Variants in CCDC186 observed in about 807,000 individuals in gnomAD.
The protein encoded by CCDC186 is coiled-coil domain-containing protein 186.
CCDC186 carries 49 observed loss-of-function variants against 113.7 expected under a neutral mutation model. The observed-to-expected ratio is 0.43, with a 90% CI of 0.34 to 0.55. The LOEUF (loss-of-function observed/expected upper bound fraction) is 0.55, where lower values mean the gene tolerates loss of function less well. CCDC186 is among the 20% of genes least tolerant of loss of function. CCDC186 has a pLI of 0.02. For synonymous variants in CCDC186, 355 were observed against 345.8 expected (o/e 1.03, Z -0.30); for missense variants, 890 against 1,011.1 (o/e 0.88, Z 1.62).
intron 12 of CCDC186, 39 bp downstream of exon 12, chr10:114,131,104 GAAAC>G: frequency 7.4e-7 from 1 of 1,349,998 alleles, no homozygotes; most frequent in South Asian, 2.0e-5. Flanking sequence ...ATGATTAAAA[GAAAC>G]AAACACATTC....
intron 15 of CCDC186, 143 bp from the exon 16 acceptor site, chr10:114,125,369 C>T (rs2030863552): frequency 1.7e-6 from 1 of 578,728 alleles, no homozygotes; most frequent in African/African-American, 1.9e-5. Flanking sequence ...AAACTAGTGA[C>T]ACACAGCTGT....
chr10:114,121,600 TA>T lies in CCDC186; in HGVS notation c.*3542del, dbSNP rs1189167543. On this transcript the variant is annotated 3_prime_UTR_variant, in exon 16 of 16. Coordinates refer to ENST00000369287, the MANE Select transcript of CCDC186 (RefSeq NM_018017.4). Reference sequence around the variant, plus strand: ...TTAAATAATGAAAATCAAACTATGATAAAAGTTAGGAAACGTGCAGAACCAC... The same window carrying T: ...TTAAATAATGAAAATCAAACTATGATAAAGTTAGGAAACGTGCAGAACCAC... 2.6e-5 allele frequency: 4 copies of T among 152,194 alleles called. No homozygotes were observed. Among genetic ancestry groups the T allele is most frequent in the Admixed American group, 1.3e-4 (2 of 15,274 alleles). The allele number at this position is 152,194 out of a possible 1,614,324, so 9.4% of individuals were successfully genotyped here. A position where few individuals can be genotyped will look rare whatever the true frequency, so the allele number is the denominator to read the frequency against.
rs1011967829 is a variant in CCDC186, at chr10:114,131,022, G to A, written c.2101+125C>T. The A allele has an allele frequency of 6.8e-6, 5 of 732,344 alleles. No homozygotes were observed. The African/African-American group carries it at 9.2e-5, about 13-fold the overall frequency. 45.4% of individuals were successfully genotyped at this position (732,344 alleles called of 1,614,324 possible). On this transcript the variant is annotated intron_variant, in intron 12 of 15. Transcript: ENST00000369287. Reference sequence around the variant, plus strand: ...GAAATTCCAAGAAGTTTAACAATTTGGTTTACTAATATTAACAAAGAAAAC... The same window carrying A: ...GAAATTCCAAGAAGTTTAACAATTTAGTTTACTAATATTAACAAAGAAAAC...
chr10:114,149,670 G>T lies in CCDC186; in HGVS notation c.888+1422C>A. Among the ~76,000 whole-genome samples the T allele has an allele frequency of 6.5e-5, 2 of 30,624 alleles. 1 individual carries two copies. Among genetic ancestry groups the T allele is most frequent in the Non-Finnish European group, 1.2e-4 (2 of 16,036 alleles). The allele number at this position is 30,624 out of a possible 152,430, so 20.1% of individuals were successfully genotyped here. A position where few individuals can be genotyped will look rare whatever the true frequency, so the allele number is the denominator to read the frequency against. On this transcript the variant is annotated intron_variant, in intron 4 of 15. Transcript: ENST00000369287. ...ATGCGAAGGAAGGAAGGAAGGAAAG[G>T]AGGGAAGGAGGGAGGAAAGAAAAGA...
At chr10:114,163,585 T>C (rs1474351150) in intron 1 of CCDC186, among the ~76,000 whole-genome samples, 1 of 152,230 alleles carries the variant, frequency 6.6e-6, no homozygotes, top group Non-Finnish European at 1.5e-5. Flanking sequence ...TTAATTTCAG[T>C]TGTAGTCTGG....
intron 1 of CCDC186, among the ~76,000 whole-genome samples, chr10:114,167,199 T>C (rs2032361736): frequency 1.3e-5 from 2 of 152,028 alleles, no homozygotes; most frequent in Non-Finnish European, 2.9e-5. Context: ...TTTTGTATTT[T>C]CAGTGTAGAC....
At chr10:114,155,210 A>C (rs1050589577) in intron 3 of CCDC186, among the ~76,000 whole-genome samples, 2 of 152,248 alleles carry the variant, frequency 1.3e-5, no homozygotes, top group African/African-American at 2.4e-5. Context: ...ACTTAAAATA[A>C]GTGAACTGTG....
intron 1 of CCDC186, among the ~76,000 whole-genome samples, chr10:114,168,005 C>G (rs1011720646): frequency 3.3e-5 from 5 of 151,734 alleles, no homozygotes; most frequent in African/African-American, 1.2e-4. Context: ...AATGCTTGTA[C>G]AAAGCAAATT....
chr10:114,127,772 A>T, intron 13 of CCDC186, 101 bp from the exon 14 acceptor site: 2 of 1,060,218 alleles, frequency 1.9e-6, no homozygotes, highest in Non-Finnish European at 2.7e-6. Context: ...ATTCACTCTA[A>T]CAGAGTTGGA....
intron 6 of CCDC186, among the ~76,000 whole-genome samples, chr10:114,143,883 C>T (rs945088257): frequency 6.6e-6 from 1 of 152,080 alleles, no homozygotes; most frequent in Non-Finnish European, 1.5e-5. Context: ...TTTATTACCT[C>T]TAATATCAGC....
chr10:114,151,019 C>T, intron 4 of CCDC186, 73 bp downstream of exon 4: 1 of 1,549,444 alleles, frequency 6.5e-7, no homozygotes, highest in Non-Finnish European at 8.8e-7. Context: ...AATAGTCTAA[C>T]AGTGTTAGCT....
chr10:114,159,943 A>G (rs1405817811), intron 2 of CCDC186, among the ~76,000 whole-genome samples: 2 of 152,094 alleles, frequency 1.3e-5, no homozygotes, highest in Non-Finnish European at 2.9e-5. Context: ...AGCTTGGGCA[A>G]GAGAGCAAGA....
chr10:114,145,494 C>G, intron 5 of CCDC186, 55 bp downstream of exon 5: 1 of 1,391,384 alleles, frequency 7.2e-7, no homozygotes, highest in Non-Finnish European at 9.7e-7. Flanking sequence ...TATGGAAAAG[C>G]AAAGAGAACA....
At chr10:114,135,812 A>T in intron 9 of CCDC186, 79 bp downstream of exon 9, 1 of 1,144,840 alleles carries the variant, frequency 8.7e-7, no homozygotes, top group Middle Eastern at 2.0e-4. Context: ...TCCTTTCCCC[A>T]CCACTTTAAA....
intron 6 of CCDC186, among the ~76,000 whole-genome samples, chr10:114,141,565 C>T (rs765797894): frequency 6.6e-6 from 1 of 152,096 alleles, no homozygotes; most frequent in Non-Finnish European, 1.5e-5. Context: ...ATTTCCTAGC[C>T]TTGTGGGAGC....
In CCDC186 at chr10:114,145,567, G is replaced by A. The variant is rs1485274133; in HGVS notation, c.1083C>T (p.His361=). ...KQLSQEKGRL[H]QLYETKEGET... ...GTTATACCTTAGTTTCATACAGCTG[G>A]TGCAACCGTCCTTTCTCCTGAGAAA... is the stretch of plus-strand genomic sequence containing the variant. Residue 361 remains histidine (H), a synonymous_variant, in exon 5 of 16, where the codon CAC becomes CAT. Coordinates refer to ENST00000369287, the MANE Select transcript of CCDC186 (RefSeq NM_018017.4). The A allele has an allele frequency of 1.2e-6, 2 of 1,609,040 alleles. No individual in the cohort carries two copies. The highest frequency in any genetic ancestry group is 2.2e-5 in the South Asian group (2 of 89,990).
In CCDC186 at chr10:114,121,654, T is replaced by A. The variant is rs2030727620; in HGVS notation, c.*3489A>T. ...GGAAAACAGCAATTTGCTTTCAGCG[T>A]ACCTTTGCAAGGATGTTCCAAAGCC... On this transcript the variant is annotated 3_prime_UTR_variant, in exon 16 of 16. Coordinates refer to ENST00000369287, the MANE Select transcript of CCDC186 (RefSeq NM_018017.4). 1 of 152,192 alleles carries A rather than the reference T, an allele frequency of 6.6e-6. No individual in the cohort carries two copies. The highest frequency in any genetic ancestry group is 2.4e-5 in the African/African-American group (1 of 41,466). The allele number at this position is 152,192 out of a possible 1,614,324, so 9.4% of individuals were successfully genotyped here.
intron 3 of CCDC186, among the ~76,000 whole-genome samples, chr10:114,155,912 C>A (rs1008635963): frequency 2.0e-5 from 3 of 151,986 alleles, no homozygotes; most frequent in Non-Finnish European, 4.4e-5. Context: ...CTGGTGGATG[C>A]CACATTAGAT....
At position 114,162,752 on chromosome 10, in the gene CCDC186, T is replaced by C. The variant is rs751696290; in HGVS notation, c.517A>G (p.Thr173Ala). 7.2e-5 allele frequency: 116 copies of C among 1,613,838 alleles called. No homozygotes were observed. The highest frequency in any genetic ancestry group is 9.3e-5 in the Non-Finnish European group (110 of 1,179,894). ...LEEIESELLS[T>A]EFAEHRVPNG... ...GGTACTCGATGTTCTGCAAACTCCG[T>C]AGATAAGAGCTCAGATTCTATTTCT... is the stretch of plus-strand genomic sequence containing the variant. Residue 173 changes from threonine to alanine, a missense_variant, in exon 2 of 16, where the codon ACG (threonine) becomes GCG (alanine). Transcript: ENST00000369287.
Sources: allele counts gnomAD v4.1 joint callset (sites outside exome capture counted in the v4.1 genomes callset), GRCh38; gene constraint gnomAD v4.1.1; transcripts MANE v1.5; gene names NCBI Gene and HGNC (gene_info 2026-07-23, HGNC 2026-07-21).